DLGAP2: variants seen among roughly 807,000 people sequenced by gnomAD.
DLGAP2 encodes disks large-associated protein 2.
Under a neutral mutation model 100.3 loss-of-function variants are expected in DLGAP2, and 26 were observed. The ratio of observed to expected loss-of-function variants is 0.26; its 90% CI spans 0.19 to 0.36. The LOEUF is 0.36. DLGAP2 is among the 10% of genes least tolerant of loss of function. The probability of loss-of-function intolerance (pLI) is 1.00; values close to 1 mark genes in which losing one functional copy is unlikely to be tolerated. For synonymous variants in DLGAP2, 886 were observed against 630.1 expected, an observed-to-expected ratio of 1.41 and a Z score of -6.08; for missense variants, 1,858 against 1,453.2, an observed-to-expected ratio of 1.28 and a Z score of -4.53.
intron 4 of DLGAP2, among the ~76,000 whole-genome samples, chr8:1,543,570 T>G (rs1801434054): frequency 6.6e-6 from 1 of 152,236 alleles, no homozygotes; most frequent in East Asian, 1.9e-4. Context: ...CCCACCCTTT[T>G]GATTACTATC....
At chr8:888,325 C>G (rs575414253) in intron 1 of DLGAP2, among the ~76,000 whole-genome samples, 2 of 152,200 alleles carry the variant, frequency 1.3e-5, no homozygotes, top group Non-Finnish European at 2.9e-5. Context: ...TGGGTTAGAA[C>G]ATGCTCCTTT....
chr8:1,442,508 A>G (rs6985546), intron 3 of DLGAP2, among the ~76,000 whole-genome samples: 15 of 143,532 alleles, frequency 1.0e-4, no homozygotes, highest in East Asian at 2.1e-4. Context: ...GGATCCGGGC[A>G]TAGACCCGCC....
At position 1,549,001 on chromosome 8, in the gene DLGAP2, C is replaced by G; in HGVS notation, c.548C>G (p.Ala183Gly). ...RDDCAVAHAG[A>G]KINRIPANLL... ...GACTGCGCTGTGGCCCACGCGGGCG[C>G]CAAGATCAACCGCATCCCGGCCAAC... is the stretch of plus-strand genomic sequence containing the variant. The change falls in exon 5 of 15, where the codon GCC (alanine) becomes GGC (glycine). Residue 183 changes from alanine to glycine, a missense_variant. Ala to Gly is a moderately conservative substitution (Grantham distance 60). Transcript: ENST00000637795. The G allele has an allele frequency of 6.3e-7, 1 of 1,598,838 alleles. No homozygotes were observed. Among genetic ancestry groups the G allele is most frequent in the Non-Finnish European group, 8.5e-7 (1 of 1,178,708 alleles).
intron 12 of DLGAP2, 63 bp downstream of exon 12, chr8:1,678,692 A>G (rs1798871714): frequency 1.4e-6 from 2 of 1,415,284 alleles, no homozygotes; most frequent in Non-Finnish European, 1.8e-6. Context: ...AAATATGCAC[A>G]TCACAGCATT....
intron 2 of DLGAP2, among the ~76,000 whole-genome samples, chr8:971,752 A>G (rs930681964): frequency 1.3e-5 from 2 of 152,114 alleles, no homozygotes; most frequent in African/African-American, 2.4e-5. Context: ...CCCTCAATAG[A>G]AATCTGTTTT....
At chr8:1,532,428 T>C (rs1051336064) in intron 4 of DLGAP2, among the ~76,000 whole-genome samples, 2 of 152,212 alleles carry the variant, frequency 1.3e-5, no homozygotes, top group Non-Finnish European at 2.9e-5. Context: ...CAATACGAGA[T>C]TGGTTTTCTG....
chr8:1,181,675 C>A (rs75546756), intron 2 of DLGAP2, among the ~76,000 whole-genome samples: 5 of 152,116 alleles, frequency 3.3e-5, no homozygotes. Flanking sequence ...CCATTTACCC[C>A]TGAACTTTAA....
At chr8:1,390,238 G>A (rs1796318771) in intron 3 of DLGAP2, among the ~76,000 whole-genome samples, 2 of 152,118 alleles carry the variant, frequency 1.3e-5, no homozygotes, top group African/African-American at 4.8e-5. Flanking sequence ...AAAACCAGAT[G>A]GGAGCCTCTC....
chr8:965,975 C>G (rs1358925939), intron 2 of DLGAP2, among the ~76,000 whole-genome samples: 2 of 152,232 alleles, frequency 1.3e-5, no homozygotes, highest in African/African-American at 4.8e-5. Context: ...TACCCTTCTC[C>G]TGGGCTGGAG....
chr8:1,581,952 A>C (rs1803284933), intron 6 of DLGAP2, among the ~76,000 whole-genome samples: 1 of 151,864 alleles, frequency 6.6e-6, no homozygotes, highest in Admixed American at 6.6e-5. Context: ...ACCAGAAGTG[A>C]AGGATACAGA....
intron 3 of DLGAP2, among the ~76,000 whole-genome samples, chr8:1,433,764 G>C (rs902520492): frequency 7.2e-6 from 1 of 137,944 alleles, no homozygotes; most frequent in Admixed American, 7.9e-5. Context: ...TTTGCTAGGA[G>C]AGTTCAGATA....
intron 1 of DLGAP2, among the ~76,000 whole-genome samples, chr8:849,581 G>C (rs908565576): frequency 6.6e-6 from 1 of 152,176 alleles, no homozygotes; most frequent in Non-Finnish European, 1.5e-5. Flanking sequence ...TTGCCCGAAG[G>C]TTCCAGCGGT....
At chr8:1,344,161 C>CCG (rs1801497911) in intron 3 of DLGAP2, among the ~76,000 whole-genome samples, 1 of 151,252 alleles carries the variant, frequency 6.6e-6, no homozygotes, top group African/African-American at 2.4e-5. Flanking sequence ...TGTCGTGGGT[C>CCG]TTTGTACTCG....
At chr8:975,217 C>A (rs1253869855) in intron 2 of DLGAP2, among the ~76,000 whole-genome samples, 2 of 152,132 alleles carry the variant, frequency 1.3e-5, no homozygotes, top group Non-Finnish European at 2.9e-5. Context: ...CTGAACAGGC[C>A]TATATCTATT....
chr8:1,347,558 C>A (rs570584357), intron 3 of DLGAP2, among the ~76,000 whole-genome samples: 1 of 148,100 alleles, frequency 6.8e-6, no homozygotes. Flanking sequence ...TTTGTTCCTA[C>A]ACAGAGCTAC....
In DLGAP2 at chr8:1,565,790, G is replaced by A. The variant is rs778152747; in HGVS notation, c.1338G>A (p.Glu446=). ...GSYIKAMGDE[E]SGESDSSPKT... is the part of the protein sequence containing the mutation. Reference sequence around the variant, plus strand: ...ACATTAAAGCCATGGGGGACGAGGAGAGCGGAGAGTCAGACTCCAGCCCCA... The same window carrying A: ...ACATTAAAGCCATGGGGGACGAGGAAAGCGGAGAGTCAGACTCCAGCCCCA... The change falls in exon 6 of 15, where the codon GAG becomes GAA. Residue 446 remains glutamate, a synonymous_variant. Transcript: ENST00000637795. 3.1e-6 allele frequency: 5 copies of A among 1,613,914 alleles called. No homozygotes were observed. Among genetic ancestry groups the A allele is most frequent in the Admixed American group, 3.3e-5 (2 of 60,012 alleles).
chr8:1,019,350 A>G (rs1191563205), intron 2 of DLGAP2: 1 of 152,118 alleles, frequency 6.6e-6, no homozygotes, highest in East Asian at 1.9e-4. Context: ...TACCAGGACC[A>G]GAGAATCTCT....
chr8:1,460,204 G>A (rs913186649), intron 3 of DLGAP2, among the ~76,000 whole-genome samples: 1 of 152,198 alleles, frequency 6.6e-6, no homozygotes, highest in Non-Finnish European at 1.5e-5. Flanking sequence ...GCCTGTCATT[G>A]TGAAATAATC....
At chr8:1,446,883 G>C (rs1482693561) in intron 3 of DLGAP2, among the ~76,000 whole-genome samples, 1 of 152,008 alleles carries the variant, frequency 6.6e-6, no homozygotes, top group Non-Finnish European at 1.5e-5. Context: ...TCATGATTTG[G>C]CTCTCTGTTT....
Sources: gnomAD v4.1 joint callset for allele counts (sites outside exome capture counted in the v4.1 genomes callset) on GRCh38, gnomAD v4.1.1 for gene constraint, MANE v1.5 for transcripts, NCBI Gene and HGNC (gene_info 2026-07-23, HGNC 2026-07-21) for gene names.